Variants in SRD5A2 observed in about 807,000 individuals in gnomAD.
The protein encoded by SRD5A2 is steroid 5 alpha-reductase 2.
In SRD5A2, 30 loss-of-function variants were observed where a neutral mutation model predicts 27.4. The ratio of observed to expected loss-of-function variants is 1.10; its 90% CI spans 0.82 to 1.49. SRD5A2 has a LOEUF of 1.49. Ranked by LOEUF, SRD5A2 falls within the 40% of genes most tolerant of loss-of-function variation. The probability of loss-of-function intolerance (pLI) is 0.00; values close to 1 mark genes in which losing one functional copy is unlikely to be tolerated. For missense variants in SRD5A2, 348 were observed against 323.4 expected (o/e 1.08, Z -0.58); for synonymous variants, 141 against 133.6 (o/e 1.06, Z -0.38).
intron 1 of SRD5A2, among the ~76,000 whole-genome samples, chr2:31,539,865 C>A (rs925786871): frequency 7.2e-5 from 11 of 152,128 alleles, no homozygotes; most frequent in African/African-American, 2.7e-4. Flanking sequence ...ACAAAAGTAA[C>A]AAGGAGCCTC....
intron 1 of SRD5A2, among the ~76,000 whole-genome samples, chr2:31,555,542 CA>C (rs1489784406): frequency 4.6e-5 from 7 of 152,090 alleles, no homozygotes. Context: ...GTTGTCTTGC[CA>C]GTACCTAAGG....
chr2:31,566,283 C>T (rs1222982635), intron 1 of SRD5A2, among the ~76,000 whole-genome samples: 1 of 151,862 alleles, frequency 6.6e-6, no homozygotes, highest in African/African-American at 2.4e-5. Context: ...ACCTTGGCTT[C>T]CACCTTAATA....
At chr2:31,554,474 T>C (rs1451013829) in intron 1 of SRD5A2, among the ~76,000 whole-genome samples, 2 of 152,198 alleles carry the variant, frequency 1.3e-5, no homozygotes, top group Non-Finnish European at 1.5e-5. Flanking sequence ...TTTTTCAATA[T>C]GGACATTCCC....
chr2:31,539,573 C>T (rs1451349817), intron 1 of SRD5A2, among the ~76,000 whole-genome samples: 3 of 152,140 alleles, frequency 2.0e-5, no homozygotes, highest in African/African-American at 7.2e-5. Context: ...TGGGAAGTAA[C>T]AAGCTCATCC....
chr2:31,653,127 C>G, the SRD5A2 span, among the ~76,000 whole-genome samples: 83 of 152,274 alleles, frequency 5.5e-4, no homozygotes, highest in South Asian at 0.017. Context: ...CACCCCCAGT[C>G]CCCTAGAGCC....
the SRD5A2 span, among the ~76,000 whole-genome samples, chr2:31,619,761 C>G: frequency 6.6e-6 from 1 of 151,886 alleles, no homozygotes; most frequent in East Asian, 1.9e-4. Flanking sequence ...CTGTCCATGT[C>G]CTTTGTCCAC....
Position 31,522,647 on chromosome 2 carries a change from T to A in SRD5A2, c.*3549A>T, listed in dbSNP as rs1424661480. On this transcript the variant is annotated 3_prime_UTR_variant, in exon 5 of 5. Transcript: ENST00000622030. ...ACAAATGTCTTACTTAGAAATTAAA[T>A]CCACTCGATGGCTTATTAAATCACC... is the stretch of plus-strand genomic sequence containing the variant. The A allele has an allele frequency of 9.1e-6, 2 of 219,678 alleles. No individual in the cohort carries two copies. Among genetic ancestry groups the A allele is most frequent in the South Asian group, 1.8e-4 (1 of 5,436 alleles). The allele number at this position is 219,678 out of a possible 1,614,324, so 13.6% of individuals were successfully genotyped here. A position where few individuals can be genotyped will look rare whatever the true frequency, so the allele number is the denominator to read the frequency against.
At position 31,531,722 on chromosome 2, in the gene SRD5A2, G is replaced by C. The variant is rs985137912; in HGVS notation, c.446-250C>G. Among the ~76,000 whole-genome samples the C allele has an allele frequency of 2.6e-5, 4 of 152,236 alleles. No individual in the cohort carries two copies. In the East Asian group the frequency reaches 7.7e-4, roughly 29 times the overall value. ...ACTGATGGAGACAGATTAGAAAAGA[G>C]AGGAGAGCAGGAGGTAGCACCATTG... is the stretch of plus-strand genomic sequence containing the variant. On this transcript the variant is annotated intron_variant, in intron 2 of 4. Coordinates refer to ENST00000622030, the MANE Select transcript of SRD5A2 (RefSeq NM_000348.4).
chr2:31,614,386 G>C, the SRD5A2 span, among the ~76,000 whole-genome samples: 6 of 152,204 alleles, frequency 3.9e-5, no homozygotes, highest in Non-Finnish European at 5.9e-5. Context: ...TCACATCTAG[G>C]TCATGCTGAT....
Position 31,523,610 on chromosome 2 carries a change from T to C in SRD5A2, c.*2586A>G. ...ACAAAACTCAACATTTTCTTCAAGG[T>C]TGGCAGGAAAACGCCTCTTCCGTGA... On this transcript the variant is annotated 3_prime_UTR_variant, in exon 5 of 5. Coordinates refer to ENST00000622030, the MANE Select transcript of SRD5A2 (RefSeq NM_000348.4). 4.5e-6 allele frequency: 1 copy of C among 219,880 alleles called. No homozygotes were observed. Among genetic ancestry groups the C allele is most frequent in the Non-Finnish European group, 9.1e-6 (1 of 109,518 alleles). The allele number at this position is 219,880 out of a possible 1,614,324, so 13.6% of individuals were successfully genotyped here. A position where few individuals can be genotyped will look rare whatever the true frequency, so the allele number is the denominator to read the frequency against.
chr2:31,661,258 C>T, the SRD5A2 span, among the ~76,000 whole-genome samples: 4 of 152,240 alleles, frequency 2.6e-5, no homozygotes, highest in African/African-American at 9.6e-5. Context: ...GATTCCTACT[C>T]ATTGAGTCTG....
intron 1 of SRD5A2, among the ~76,000 whole-genome samples, chr2:31,571,198 AG>A (rs1666842414): frequency 6.6e-6 from 1 of 152,202 alleles, no homozygotes; most frequent in African/African-American, 2.4e-5. Flanking sequence ...AACAGGATAG[AG>A]TGCCCAGAAA....
At chr2:31,624,199 C>G in the SRD5A2 span, among the ~76,000 whole-genome samples, 1 of 151,926 alleles carries the variant, frequency 6.6e-6, no homozygotes, top group Non-Finnish European at 1.5e-5. Context: ...ACAGGGGTAT[C>G]CATCATGTCA....
intron 1 of SRD5A2, among the ~76,000 whole-genome samples, chr2:31,548,769 A>C (rs1666316155): frequency 6.6e-6 from 1 of 152,242 alleles, no homozygotes; most frequent in South Asian, 2.1e-4. Flanking sequence ...AGGGTCTTGA[A>C]GCAATATTTG....
the SRD5A2 span, among the ~76,000 whole-genome samples, chr2:31,635,172 T>TC: frequency 6.6e-6 from 1 of 152,170 alleles, no homozygotes; most frequent in Non-Finnish European, 1.5e-5. Flanking sequence ...GGTTCCCCTT[T>TC]CCCCTTTCTC....
chr2:31,568,899 G>A (rs1001749862), intron 1 of SRD5A2, among the ~76,000 whole-genome samples: 10 of 152,252 alleles, frequency 6.6e-5, no homozygotes, highest in South Asian at 2.1e-4. Flanking sequence ...ATGCCAGGCC[G>A]AGCAACAGCA....
At chr2:31,586,706 A>C in the SRD5A2 span, among the ~76,000 whole-genome samples, 1 of 152,244 alleles carries the variant, frequency 6.6e-6, no homozygotes, top group Non-Finnish European at 1.5e-5. Context: ...TACCCTCTAA[A>C]GCAGATACAG....
At chr2:31,573,091 C>T (rs535125672) in intron 1 of SRD5A2, among the ~76,000 whole-genome samples, 5 of 152,272 alleles carry the variant, frequency 3.3e-5, no homozygotes, top group African/African-American at 9.6e-5. Context: ...ATGTCCCCAC[C>T]CAGAAATCTG....
upstream of SRD5A2, among the ~76,000 whole-genome samples, chr2:31,582,644 T>C (rs565019863): frequency 6.6e-6 from 1 of 152,332 alleles, no homozygotes; most frequent in African/African-American, 2.4e-5. Context: ...AGCAAAGATA[T>C]GAGCTTTAGC....
Sources: allele counts gnomAD v4.1 joint callset (sites outside exome capture counted in the v4.1 genomes callset), GRCh38; gene constraint gnomAD v4.1.1; transcripts MANE v1.5; gene names NCBI Gene and HGNC (gene_info 2026-07-23, HGNC 2026-07-21).